The following ASB11 variants were observed in gnomAD, a reference collection of about 807,000 sequenced individuals.
The protein encoded by ASB11 is ankyrin repeat and SOCS box protein 11.
A neutral mutation model predicts 20.1 loss-of-function variants in ASB11; 17 were observed. The observed-to-expected ratio is 0.85, with a 90% CI of 0.58 to 1.27. The LOEUF is 1.27. Ranked by LOEUF, ASB11 falls within the 50% of genes most tolerant of loss-of-function variation. ASB11 has a pLI of 0.00. For missense variants in ASB11, 259 were observed against 256.9 expected (o/e 1.01, Z -0.06); for synonymous variants, 107 against 105.6 (o/e 1.01, Z -0.08).
chrX:15,312,434 A>AAC (rs1272478790), intron 1 of ASB11, among the ~76,000 whole-genome samples: 9 of 106,236 alleles, frequency 8.5e-5, no homozygotes, highest in African/African-American at 3.1e-4. Context: ...AAAAAAAAAA[A>AAC]AACAACTTTC....
intron 3 of ASB11, among the ~76,000 whole-genome samples, chrX:15,296,339 C>T (rs1920964995): frequency 1.8e-5 from 2 of 110,990 alleles, no homozygotes; most frequent in African/African-American, 6.5e-5. Context: ...ACAAGGAAGA[C>T]TTTTATATTC....
chrX:15,314,532 C>G lies in ASB11; in HGVS notation c.181+893G>C, dbSNP rs762566030. The G allele has an allele frequency of 2.6e-6, 3 of 1,162,017 alleles. No individual in the cohort carries two copies. In the South Asian group the frequency reaches 6.4e-5, roughly 25 times the overall value. ...GGTCTTATTTCTTTAGATAAGACTG[C>G]TGTTGTCTAGTGTCTTCTGAGTTGT... is the stretch of plus-strand genomic sequence containing the variant. On this transcript the variant is annotated intron_variant, in intron 1 of 6. Coordinates refer to ENST00000480796, the MANE Select transcript of ASB11 (RefSeq NM_080873.3).
intron 1 of ASB11, among the ~76,000 whole-genome samples, chrX:15,312,988 G>A (rs772509897): frequency 1.4e-4 from 16 of 111,558 alleles, no homozygotes; most frequent in African/African-American, 9.8e-5. Flanking sequence ...TTTGTGGGGC[G>A]GGGGAAGATT....
At chrX:15,300,332 C>G (rs1040286156) in intron 2 of ASB11, among the ~76,000 whole-genome samples, 1 of 111,965 alleles carries the variant, frequency 8.9e-6, no homozygotes, top group African/African-American at 3.2e-5. Context: ...AGCAGTGTAA[C>G]CAAGAGCTCC....
rs761350372 is a variant in ASB11 at position 15,310,589 on chromosome X, GCTGT to G, written c.181+4832_181+4835del. Among the ~76,000 whole-genome samples, 4 of 112,557 alleles carry G rather than the reference GCTGT, an allele frequency of 3.6e-5. No individual in the cohort carries two copies. The South Asian group carries it at 1.5e-3, about 41-fold the overall frequency. On this transcript the variant is annotated intron_variant, in intron 1 of 6. Coordinates refer to ENST00000480796, the MANE Select transcript of ASB11 (RefSeq NM_080873.3). ...ATAACATTGGTTCAGATGGAGTACA[GCTGT>G]CTAAGTTCCAACCATTTGAGATAAA...
rs759917240 is a variant in ASB11, at chrX:15,293,320, C to T, written c.370G>A (p.Val124Ile). The T allele has an allele frequency of 3.3e-6, 4 of 1,203,180 alleles. No individual in the cohort carries two copies. In the Admixed American group the frequency reaches 9.0e-5, roughly 27 times the overall value. The change falls in exon 4 of 7, where the codon GTC (valine) becomes ATC (isoleucine). Residue 124 changes from valine to isoleucine, a missense_variant and splice_region_variant. Physicochemically the swap from Val to Ile is conservative, Grantham distance 29 (BLOSUM62 3). Coordinates refer to ENST00000480796, the MANE Select transcript of ASB11 (RefSeq NM_080873.3). Reference protein sequence around the residue: ...AKALLENGAHVNGVTVHGATP... With the variant: ...AKALLENGAHINGVTVHGATP... ...GCTCCGTGAACTGTCACTCCATTGA[C>T]CTAATGATGGGCAAAGAGAGACCCA...
intron 3 of ASB11, among the ~76,000 whole-genome samples, chrX:15,294,840 C>T (rs1920954318): frequency 9.1e-6 from 1 of 109,471 alleles, no homozygotes; most frequent in Non-Finnish European, 1.9e-5. Context: ...CATCCTCACC[C>T]TCAGTCTAGG....
At chrX:15,295,152 G>T (rs1343467469) in intron 3 of ASB11, among the ~76,000 whole-genome samples, 1 of 110,974 alleles carries the variant, frequency 9.0e-6, no homozygotes, top group Non-Finnish European at 1.9e-5. Flanking sequence ...AAGAGATTCT[G>T]CTGCCTTAGG....
At chrX:15,304,087 T>C (rs1648009473) in intron 1 of ASB11, among the ~76,000 whole-genome samples, 3 of 112,987 alleles carry the variant, frequency 2.7e-5, no homozygotes, top group South Asian at 7.1e-4. Context: ...TGTAATATAA[T>C]TTGGATTTAA....
At chrX:15,298,772 C>T (rs1402252865) in intron 2 of ASB11, among the ~76,000 whole-genome samples, 1 of 111,579 alleles carries the variant, frequency 9.0e-6, no homozygotes, top group Non-Finnish European at 1.9e-5. Flanking sequence ...GGATCTGAAA[C>T]AAAACAATAA....
At chrX:15,301,641 G>C (rs1384100530) in intron 2 of ASB11, among the ~76,000 whole-genome samples, 1 of 111,720 alleles carries the variant, frequency 9.0e-6, no homozygotes, top group African/African-American at 3.3e-5. Context: ...AGACATGATG[G>C]CTTACCTCCT....
intron 3 of ASB11, among the ~76,000 whole-genome samples, chrX:15,294,559 C>G (rs1308697283): frequency 9.0e-6 from 1 of 110,893 alleles, no homozygotes; most frequent in Non-Finnish European, 1.9e-5. Flanking sequence ...TATTTGTAGA[C>G]AGCGTCTAGC....
chrX:15,284,816 A>G (rs752913561), intron 6 of ASB11, among the ~76,000 whole-genome samples: 2 of 112,019 alleles, frequency 1.8e-5, no homozygotes, highest in Non-Finnish European at 3.8e-5. Context: ...AAGAAAACCT[A>G]ATTACTGGTC....
intron 1 of ASB11, 75 bp downstream of exon 1, chrX:15,315,350 C>T: frequency 2.3e-6 from 2 of 874,343 alleles, no homozygotes; most frequent in South Asian, 1.0e-4. Context: ...AATCTGCCTT[C>T]CAGAAATACT....
At position 15,293,157 on chromosome X, in the gene ASB11, G is replaced by T. The variant is rs760832452; in HGVS notation, c.520+13C>A. Reference sequence around the variant, plus strand: ...CCATCAATGTTTCACATGCATTGTGGTGGCTCATTTACCTCTCTTCACTGC... The same window carrying T: ...CCATCAATGTTTCACATGCATTGTGTTGGCTCATTTACCTCTCTTCACTGC... On this transcript the variant is annotated intron_variant, in intron 4 of 6. Coordinates refer to ENST00000480796, the MANE Select transcript of ASB11 (RefSeq NM_080873.3). 2.5e-6 allele frequency: 3 copies of T among 1,204,784 alleles called. No individual in the cohort carries two copies. In the Admixed American group the frequency reaches 6.6e-5, roughly 27 times the overall value.
Position 15,314,287 on chromosome X carries a change from CTTTT to C in ASB11, c.181+1134_181+1137del, listed in dbSNP as rs1921539250. On this transcript the variant is annotated intron_variant, in intron 1 of 6. Coordinates refer to ENST00000480796, the MANE Select transcript of ASB11 (RefSeq NM_080873.3). ...ATTGACAAATTAAATTAGAAGATAA[CTTTT>C]CAGATCATGCTTAACTTGAAACTTA... 4.8e-6 allele frequency: 5 copies of C among 1,050,624 alleles called. No homozygotes were observed. The South Asian group carries it at 1.6e-4, about 34-fold the overall frequency. 86.6% of individuals were successfully genotyped at this position (1,050,624 alleles called of 1,213,427 possible). A position where few individuals can be genotyped will look rare whatever the true frequency, so the allele number is the denominator to read the frequency against.
chrX:15,284,389 G>C (rs1360807647), intron 6 of ASB11, among the ~76,000 whole-genome samples: 1 of 111,416 alleles, frequency 9.0e-6, no homozygotes, highest in Non-Finnish European at 1.9e-5. Flanking sequence ...GGGTGTCAGC[G>C]GGAAGTTCCA....
rs540644152 is a variant in ASB11, at chrX:15,285,590, T to C, written c.848-1961A>G. 2.7e-5 allele frequency among the ~76,000 whole-genome samples: 3 copies of C among 112,301 alleles called. No homozygotes were observed. In the South Asian group the frequency reaches 1.1e-3, roughly 41 times the overall value. ...GAAATGTGAAAACTTCTATAAACTA[T>C]AGTCTCTGCTAACAGTTGGAAAGTA... On this transcript the variant is annotated intron_variant, in intron 6 of 6. Transcript: ENST00000480796.
intron 1 of ASB11, among the ~76,000 whole-genome samples, chrX:15,311,904 A>G (rs1169493097): frequency 2.7e-5 from 3 of 111,426 alleles, no homozygotes; most frequent in Non-Finnish European, 5.6e-5. Flanking sequence ...TCCAGGCCCC[A>G]CCAGAAGTGC....
Sources: allele counts gnomAD v4.1 joint callset (sites outside exome capture counted in the v4.1 genomes callset), GRCh38; gene constraint gnomAD v4.1.1; transcripts MANE v1.5; gene names NCBI Gene and HGNC (gene_info 2026-07-23, HGNC 2026-07-21).